Variants in TRRAP observed in about 807,000 individuals in gnomAD.
TRRAP encodes transformation/transcription domain associated protein, also known as transformation/transcription domain-associated protein.
TRRAP carries 41 observed loss-of-function variants against 438.8 expected under a neutral mutation model. The observed-to-expected ratio is 0.09, with a 90% CI of 0.07 to 0.12. The LOEUF (loss-of-function observed/expected upper bound fraction) is 0.12. TRRAP is among the 10% of genes least tolerant of loss of function. The pLI is 1.00. For missense variants in TRRAP, 3,122 were observed against 5,055.1 expected (o/e 0.62, Z 11.60); for synonymous variants, 1,994 against 1,962.9 (o/e 1.02, Z -0.42).
Position 98,930,225 on chromosome 7 carries a change from G to A in TRRAP, c.3393+19G>A. 6.2e-7 allele frequency: 1 copy of A among 1,613,144 alleles called. No individual in the cohort carries two copies. Among genetic ancestry groups the A allele is most frequent in the Non-Finnish European group, 8.5e-7 (1 of 1,179,214 alleles). ...GGAGAGGGTAAGGAAGGGTTGAGGAGTGTCTTCTGATTTGGAGGGTGTCTG... is the reference window on the plus strand; with the variant it reads ...GGAGAGGGTAAGGAAGGGTTGAGGAATGTCTTCTGATTTGGAGGGTGTCTG... On this transcript the variant is annotated intron_variant, in intron 24 of 72. Coordinates refer to ENST00000456197, the MANE Select transcript of TRRAP (RefSeq NM_001375524.1).
intron 70 of TRRAP, 144 bp downstream of exon 70, chr7:99,008,705 A>C: frequency 1.1e-6 from 1 of 905,854 alleles, no homozygotes; most frequent in Non-Finnish European, 1.6e-6. Context: ...TATTAGACTC[A>C]TGAGATGGTG....
intron 24 of TRRAP, among the ~76,000 whole-genome samples, 178 bp from the exon 25 acceptor site, chr7:98,930,455 G>C (rs1790276045): frequency 2.0e-5 from 3 of 152,180 alleles, no homozygotes; most frequent in Admixed American, 1.3e-4. Flanking sequence ...GCGCATGCCT[G>C]TAATCCCAGC....
In TRRAP at chr7:99,005,103, A is replaced by G. The variant is rs771721042; in HGVS notation, c.10536-28A>G. The G allele has an allele frequency of 1.2e-6, 2 of 1,609,454 alleles. No individual in the cohort carries two copies. Among genetic ancestry groups the G allele is most frequent in the East Asian group, 2.2e-5 (1 of 44,880 alleles). On this transcript the variant is annotated intron_variant, in intron 68 of 72. Coordinates refer to ENST00000456197, the MANE Select transcript of TRRAP (RefSeq NM_001375524.1). The surrounding 1 kb of genome is among the most constrained non-coding windows in gnomAD (Gnocchi z 5.1). Reference sequence around the variant, plus strand: ...AGGACTGGTAGCAGAGATGCAGGGCATGTCCTCATGGCTTCTCGCTCTGGC... The same window carrying G: ...AGGACTGGTAGCAGAGATGCAGGGCGTGTCCTCATGGCTTCTCGCTCTGGC...
intron 31 of TRRAP, among the ~76,000 whole-genome samples, chr7:98,943,530 C>CTGCG (rs1554416140): frequency 6.6e-6 from 1 of 152,150 alleles, no homozygotes; most frequent in South Asian, 2.1e-4. Flanking sequence ...TTTTCAAGGT[C>CTGCG]TGCGTCATCC....
At chr7:98,925,335 C>T in intron 22 of TRRAP, 72 bp downstream of exon 22, 1 of 1,561,058 alleles carries the variant, frequency 6.4e-7, no homozygotes, top group Non-Finnish European at 8.7e-7. Context: ...GAGGGCCTCC[C>T]AGGTTTCCTG....
At chr7:98,982,016 C>T (rs1459518515) in intron 59 of TRRAP, 56 bp downstream of exon 59, 15 of 1,445,866 alleles carry the variant, frequency 1.0e-5, no homozygotes, top group East Asian at 2.6e-5. Flanking sequence ...AGCCAAGCGC[C>T]GGTGTCCAGG....
intron 39 of TRRAP, among the ~76,000 whole-genome samples, chr7:98,951,532 A>C (rs1210882607): frequency 6.6e-6 from 1 of 152,184 alleles, no homozygotes; most frequent in African/African-American, 2.4e-5. Flanking sequence ...TTTTTGAATT[A>C]AATGCCTGCA....
chr7:98,882,363 C>CTTTTTTTTTTTTTT (rs531239628), intron 3 of TRRAP, among the ~76,000 whole-genome samples: 1 of 138,196 alleles, frequency 7.2e-6, no homozygotes, highest in Non-Finnish European at 1.6e-5. Context: ...TCTTTTCTTT[C>CTTTTTTTTTTTTTT]TTTTTTTTTT....
At chr7:98,919,134 G>GT (rs1554410064) in intron 20 of TRRAP, among the ~76,000 whole-genome samples, 1 of 152,194 alleles carries the variant, frequency 6.6e-6, no homozygotes, top group Non-Finnish European at 1.5e-5. Context: ...ATAGCAGGTA[G>GT]TTGGCCCCAG....
At chr7:98,890,208 T>G (rs1795904799) in intron 3 of TRRAP, 127 bp from the exon 4 acceptor site, 1 of 456,772 alleles carries the variant, frequency 2.2e-6, no homozygotes, top group East Asian at 3.6e-5. Context: ...TACTAAATAA[T>G]ACAAGTAGCA....
At position 99,011,289 on chromosome 7, in the gene TRRAP, G is replaced by T; in HGVS notation, c.11142+34G>T. ...CTTTGAACAGCCAGATCCTCTCCTC[G>T]TGACATCGCCTTTCTGCTGAAGTTC... On this transcript the variant is annotated intron_variant, in intron 71 of 72. Transcript: ENST00000456197. This position sits in a 1 kb window ranked among gnomAD's most constrained non-coding sequence, Gnocchi z 7.1. The T allele has an allele frequency of 6.2e-7, 1 of 1,612,946 alleles. No homozygotes were observed. The highest frequency in any genetic ancestry group is 8.5e-7 in the Non-Finnish European group (1 of 1,178,948).
chr7:98,900,456 T>C (rs551543403), intron 10 of TRRAP, among the ~76,000 whole-genome samples, 168 bp from the exon 11 acceptor site: 1 of 152,300 alleles, frequency 6.6e-6, no homozygotes, highest in Non-Finnish European at 1.5e-5. Flanking sequence ...AAAACTTTTA[T>C]GTTATTTGGA....
chr7:98,895,691 A>G (rs1796165515), intron 6 of TRRAP, 73 bp from the exon 7 acceptor site: 5 of 1,332,270 alleles, frequency 3.8e-6, no homozygotes, highest in Non-Finnish European at 5.1e-6. Flanking sequence ...GACAATTACA[A>G]CTTTTCTTAT....
rs200920842 is a variant in TRRAP, at chr7:98,967,180, T to C, written c.7298+18T>C. The C allele has an allele frequency of 4.5e-5, 72 of 1,611,508 alleles. No individual in the cohort carries two copies. In the African/African-American group the frequency reaches 6.7e-4, roughly 15 times the overall value. On this transcript the variant is annotated intron_variant, in intron 50 of 72. Coordinates refer to ENST00000456197, the MANE Select transcript of TRRAP (RefSeq NM_001375524.1). ...GTCTACAGGTAATTACAGCAATTAA[T>C]CAAGTACTACATATATTGGTCCTTA...
At chr7:98,961,079 A>T (rs1034833023) in intron 45 of TRRAP, among the ~76,000 whole-genome samples, 182 bp from the exon 46 acceptor site, 6 of 152,192 alleles carry the variant, frequency 3.9e-5, no homozygotes, top group African/African-American at 1.4e-4. Context: ...TTGAGTAGTT[A>T]TTTAAAGTGA....
chr7:98,989,331 A>G (rs1192224027), intron 63 of TRRAP, among the ~76,000 whole-genome samples: 2 of 147,806 alleles, frequency 1.4e-5, no homozygotes, highest in Non-Finnish European at 2.9e-5. Context: ...TTGTCAGCAC[A>G]GCCACAGAGC....
intron 52 of TRRAP, among the ~76,000 whole-genome samples, chr7:98,971,162 C>T (rs76262766): frequency 0.023 from 3,547 of 152,180 alleles, 63 homozygotes; most frequent in Non-Finnish European, 0.037. Context: ...AATTTTTTTC[C>T]TTTTTTTACT....
In TRRAP at chr7:98,955,261, C is replaced by T. The variant is rs1353927836; in HGVS notation, c.5894C>T (p.Pro1965Leu). Residue 1965 changes from proline (P) to leucine (L), a missense_variant, in exon 41 of 73, where the codon CCG becomes CTG. Coordinates refer to ENST00000456197, the MANE Select transcript of TRRAP (RefSeq NM_001375524.1). ...ATTGTGGAGGAGGGGCACACCGTCC[C>T]GCAGCTGGTCCACATTCTGCACCTG... ...KIIVEEGHTV[P>L]QLVHILHLIV... 7 of 1,613,950 alleles carry T rather than the reference C, an allele frequency of 4.3e-6. No homozygotes were observed. The highest frequency in any genetic ancestry group is 2.7e-5 in the African/African-American group (2 of 74,926).
At chr7:98,936,193 A>G (rs1554414200) in intron 28 of TRRAP, among the ~76,000 whole-genome samples, 2 of 152,224 alleles carry the variant, frequency 1.3e-5, no homozygotes, top group Non-Finnish European at 2.9e-5. Context: ...TGAATACCCA[A>G]TACAAACTTT....
Sources: allele counts gnomAD v4.1 joint callset (sites outside exome capture counted in the v4.1 genomes callset), GRCh38; gene constraint gnomAD v4.1.1; non-coding constraint Gnocchi (gnomAD v3.1); transcripts MANE v1.5; gene names NCBI Gene and HGNC (gene_info 2026-07-23, HGNC 2026-07-21).